Variants in XYLT1 observed in about 807,000 individuals in gnomAD.
XYLT1 encodes xylosyltransferase 1.
A neutral mutation model predicts 91.3 loss-of-function variants in XYLT1; 36 were observed. That is an observed-to-expected ratio of 0.39 (90% CI 0.30 to 0.52). The LOEUF is 0.52. XYLT1 is among the 20% of genes least tolerant of loss of function. The pLI is 0.68. For missense variants in XYLT1, 1,242 were observed against 1,284.5 expected, an observed-to-expected ratio of 0.97 and a Z score of 0.51; for synonymous variants, 588 against 532.0, an observed-to-expected ratio of 1.11 and a Z score of -1.45.
intron 5 of XYLT1, 114 bp downstream of exon 5, chr16:17,198,098 G>T: frequency 1.8e-6 from 2 of 1,088,474 alleles, no homozygotes; most frequent in East Asian, 2.4e-5. Context: ...ATCCTATCCT[G>T]AGCGATCCTG....
At chr16:17,152,374 T>C (rs1284544248) in intron 6 of XYLT1, among the ~76,000 whole-genome samples, 5 of 152,306 alleles carry the variant, frequency 3.3e-5, no homozygotes, top group South Asian at 4.1e-4. Context: ...AAAGTGAACA[T>C]GCAAACAGTC....
At chr16:17,385,033 C>A (rs1158138851) in intron 1 of XYLT1, among the ~76,000 whole-genome samples, 2 of 151,774 alleles carry the variant, frequency 1.3e-5, no homozygotes, top group African/African-American at 4.8e-5. Flanking sequence ...TTTTAGGTGA[C>A]TGCAGAGTCC....
intron 1 of XYLT1, among the ~76,000 whole-genome samples, chr16:17,401,286 T>A (rs1037220745): frequency 2.7e-5 from 4 of 150,868 alleles, no homozygotes; most frequent in African/African-American, 1.0e-4. Flanking sequence ...TTGAGGTTGC[T>A]GGGAATGGAG....
At chr16:17,346,257 C>T (rs2035142590) in intron 2 of XYLT1, among the ~76,000 whole-genome samples, 1 of 152,238 alleles carries the variant, frequency 6.6e-6, no homozygotes, top group South Asian at 2.1e-4. Context: ...CCCCAAGGGG[C>T]TGCTTGGGGT....
chr16:17,363,146 T>A (rs115401891), intron 1 of XYLT1, among the ~76,000 whole-genome samples: 1 of 152,190 alleles, frequency 6.6e-6, no homozygotes, highest in Non-Finnish European at 1.5e-5. Flanking sequence ...TCGAGCCTGC[T>A]GGAGAATGTC....
chr16:17,244,027 T>C (rs2033394004), intron 3 of XYLT1, among the ~76,000 whole-genome samples: 1 of 152,140 alleles, frequency 6.6e-6, no homozygotes, highest in Non-Finnish European at 1.5e-5. Context: ...TAGATGCCAG[T>C]AGTACCCCCT....
At chr16:17,318,942 C>CA (rs1421377510) in intron 2 of XYLT1, among the ~76,000 whole-genome samples, 2 of 152,090 alleles carry the variant, frequency 1.3e-5, no homozygotes, top group African/African-American at 2.4e-5. Context: ...CATGTGCCAC[C>CA]ATGCCGGGGT....
At chr16:17,277,484 G>T (rs988047233) in intron 2 of XYLT1, among the ~76,000 whole-genome samples, 1 of 152,022 alleles carries the variant, frequency 6.6e-6, no homozygotes. Context: ...CTGCCTCCGG[G>T]GTTCAAGAGA....
chr16:17,286,005 A>T (rs1241237114), intron 2 of XYLT1, among the ~76,000 whole-genome samples: 1 of 152,136 alleles, frequency 6.6e-6, no homozygotes, highest in Non-Finnish European at 1.5e-5. Context: ...CAATATCAAC[A>T]TAAACAGCAG....
intron 2 of XYLT1, among the ~76,000 whole-genome samples, chr16:17,298,242 A>T (rs981659830): frequency 6.6e-6 from 1 of 152,122 alleles, no homozygotes; most frequent in African/African-American, 2.4e-5. Flanking sequence ...TGTCACATCT[A>T]GTGGGGGCGA....
chr16:17,241,230 A>C (rs910306186), intron 3 of XYLT1, among the ~76,000 whole-genome samples: 14 of 152,220 alleles, frequency 9.2e-5, no homozygotes, highest in Admixed American at 6.5e-5. Context: ...TCATGCACCT[A>C]ATGGTGCAGT....
chr16:17,321,116 G>A lies in XYLT1; in HGVS notation c.402+36896C>T, dbSNP rs568430090. Among the ~76,000 whole-genome samples the A allele has an allele frequency of 6.0e-4, 91 of 152,020 alleles. 1 individual carries two copies. The highest frequency in any genetic ancestry group is 2.1e-3 in the African/African-American group (87 of 41,454). ...CACCTAGAGAGCTACGAATTACCCT[G>A]GAGTTGTATCCATACCCACAACATC... On this transcript the variant is annotated intron_variant, in intron 2 of 11. Transcript: ENST00000261381.
At chr16:17,320,465 T>G (rs1472810515) in intron 2 of XYLT1, among the ~76,000 whole-genome samples, 1 of 148,476 alleles carries the variant, frequency 6.7e-6, no homozygotes, top group Non-Finnish European at 1.5e-5. Flanking sequence ...CTTAGCTGTG[T>G]GACCTTGGAA....
At chr16:17,345,038 G>T (rs1330136112) in intron 2 of XYLT1, among the ~76,000 whole-genome samples, 1 of 152,140 alleles carries the variant, frequency 6.6e-6, no homozygotes, top group African/African-American at 2.4e-5. Flanking sequence ...GGCCATGTCT[G>T]AACATACCCC....
At chr16:17,235,962 G>A (rs1479536639) in intron 3 of XYLT1, among the ~76,000 whole-genome samples, 1 of 152,130 alleles carries the variant, frequency 6.6e-6, no homozygotes, top group East Asian at 1.9e-4. Flanking sequence ...TATCTCCCGG[G>A]TTCAAGCAAT....
chr16:17,200,401 C>A, intron 4 of XYLT1, 81 bp downstream of exon 4: 1 of 1,529,532 alleles, frequency 6.5e-7, no homozygotes, highest in South Asian at 1.2e-5. Flanking sequence ...TCTGGACTAG[C>A]AATGCAGAAG....
At chr16:17,401,486 T>C (rs1048038863) in intron 1 of XYLT1, among the ~76,000 whole-genome samples, 24 of 152,234 alleles carry the variant, frequency 1.6e-4, no homozygotes, top group African/African-American at 5.8e-4. Context: ...TGTAGTGTTC[T>C]GCAACTGAGT....
At chr16:17,307,218 A>T (rs2034483151) in intron 2 of XYLT1, among the ~76,000 whole-genome samples, 1 of 152,288 alleles carries the variant, frequency 6.6e-6, no homozygotes, top group African/African-American at 2.4e-5. Context: ...AGCTGGGATT[A>T]TAGGTGTAGA....
intron 1 of XYLT1, among the ~76,000 whole-genome samples, chr16:17,364,089 T>C (rs977111166): frequency 2.0e-5 from 3 of 152,114 alleles, no homozygotes; most frequent in South Asian, 4.1e-4. Flanking sequence ...TTTTGAGGTA[T>C]TGGGGGAGGA....
Sources: allele counts gnomAD v4.1 joint callset (sites outside exome capture counted in the v4.1 genomes callset), GRCh38; gene constraint gnomAD v4.1.1; transcripts MANE v1.5; gene names NCBI Gene and HGNC (gene_info 2026-07-23, HGNC 2026-07-21).